Variants in ATRNL1 observed in about 807,000 individuals in gnomAD.
ATRNL1 encodes attractin like 1.
In ATRNL1, 95 loss-of-function variants were observed where a neutral mutation model predicts 182.7. The ratio of observed to expected loss-of-function variants is 0.52; its 90% CI spans 0.44 to 0.62. ATRNL1 has a LOEUF of 0.62. Ranked by LOEUF, ATRNL1 falls within the 20% of genes least tolerant of loss-of-function variation. ATRNL1 has a pLI of 0.00. For synonymous variants in ATRNL1, 576 were observed against 568.3 expected (o/e 1.01, Z -0.19); for missense variants, 1,471 against 1,679.5 (o/e 0.88, Z 2.17).
chr10:115,857,339 A>G (rs1194076741), intron 28 of ATRNL1, among the ~76,000 whole-genome samples: 1 of 152,164 alleles, frequency 6.6e-6, no homozygotes, highest in Non-Finnish European at 1.5e-5. Context: ...ATTTTATTCA[A>G]AGGTCAACTG....
chr10:115,564,729 A>T (rs1572400), intron 26 of ATRNL1, among the ~76,000 whole-genome samples: 52 of 151,666 alleles, frequency 3.4e-4, no homozygotes, highest in Non-Finnish European at 5.8e-4. Context: ...ATAGCCAATC[A>T]GTGTTATCAG....
chr10:115,694,918 C>T (rs1352528178), intron 26 of ATRNL1, among the ~76,000 whole-genome samples: 1 of 119,026 alleles, frequency 8.4e-6, no homozygotes, highest in African/African-American at 3.3e-5. Flanking sequence ...AAATCACACA[C>T]ACACACACAC....
intron 24 of ATRNL1, among the ~76,000 whole-genome samples, chr10:115,486,095 A>G (rs1592724447): frequency 6.6e-6 from 1 of 152,088 alleles, no homozygotes; most frequent in Non-Finnish European, 1.5e-5. Flanking sequence ...TTATGGCTGC[A>G]TAGTATTCGA....
At chr10:115,826,613 G>A (rs1555092070) in intron 27 of ATRNL1, among the ~76,000 whole-genome samples, 1 of 152,150 alleles carries the variant, frequency 6.6e-6, no homozygotes, top group African/African-American at 2.4e-5. Context: ...CCATGACTAA[G>A]AGGAATGAAG....
At chr10:115,674,115 T>C (rs1198185205) in intron 26 of ATRNL1, among the ~76,000 whole-genome samples, 1 of 152,062 alleles carries the variant, frequency 6.6e-6, no homozygotes, top group Non-Finnish European at 1.5e-5. Context: ...AGAAGAAATA[T>C]ATTGCCACAG....
At chr10:115,742,451 T>G (rs1329413444) in intron 27 of ATRNL1, among the ~76,000 whole-genome samples, 1 of 152,126 alleles carries the variant, frequency 6.6e-6, no homozygotes, top group Non-Finnish European at 1.5e-5. Context: ...TTCACGATAA[T>G]TGAGAAGTAA....
At chr10:115,180,046 A>G (rs1564801375) in intron 8 of ATRNL1, among the ~76,000 whole-genome samples, 3 of 152,164 alleles carry the variant, frequency 2.0e-5, no homozygotes, top group South Asian at 4.1e-4. Flanking sequence ...TTATTATGCT[A>G]TCAATGTAGA....
At chr10:115,095,376 A>T (rs74159838) in intron 1 of ATRNL1, among the ~76,000 whole-genome samples, 9,305 of 123,674 alleles carry the variant, frequency 0.075, 310 homozygotes, top group South Asian at 0.09. Flanking sequence ...TTTTTTTTTT[A>T]AAAAAAAACT....
intron 24 of ATRNL1, among the ~76,000 whole-genome samples, chr10:115,501,910 A>C (rs1350948652): frequency 6.6e-6 from 1 of 152,090 alleles, no homozygotes; most frequent in Non-Finnish European, 1.5e-5. Flanking sequence ...AAATCTTCAA[A>C]GTTATCAGAG....
chr10:115,478,459 C>A (rs943051986), intron 24 of ATRNL1, among the ~76,000 whole-genome samples: 11 of 151,730 alleles, frequency 7.2e-5, no homozygotes, highest in Non-Finnish European at 1.3e-4. Flanking sequence ...CTGTTCCCTG[C>A]CACATGGCCC....
chr10:115,803,913 A>G (rs1949857683), intron 27 of ATRNL1, among the ~76,000 whole-genome samples: 1 of 152,204 alleles, frequency 6.6e-6, no homozygotes, highest in Non-Finnish European at 1.5e-5. Flanking sequence ...ATGACGAGAT[A>G]TCTATGGACT....
At chr10:115,140,865 T>C (rs1039968356) in intron 5 of ATRNL1, among the ~76,000 whole-genome samples, 1 of 152,152 alleles carries the variant, frequency 6.6e-6, no homozygotes, top group Non-Finnish European at 1.5e-5. Flanking sequence ...AGTCACACTT[T>C]ATTGTAACTT....
chr10:115,686,048 G>A (rs1946207392), intron 26 of ATRNL1, among the ~76,000 whole-genome samples: 1 of 151,516 alleles, frequency 6.6e-6, no homozygotes, highest in African/African-American at 2.4e-5. Context: ...AGAAGTTTAG[G>A]AAAATTAGAA....
intron 20 of ATRNL1, 26 bp downstream of exon 20, chr10:115,394,778 T>G: frequency 6.6e-7 from 1 of 1,505,344 alleles, no homozygotes; most frequent in Non-Finnish European, 9.1e-7. Context: ...TTTTTAGAAC[T>G]TTCGTGGATT....
At chr10:115,853,006 A>G (rs1402075649) in intron 28 of ATRNL1, among the ~76,000 whole-genome samples, 1 of 152,124 alleles carries the variant, frequency 6.6e-6, no homozygotes, top group East Asian at 1.9e-4. Flanking sequence ...ACTGACTAGC[A>G]ATGTGACCAT....
At chr10:115,584,073 A>AAC (rs1855321046) in intron 26 of ATRNL1, among the ~76,000 whole-genome samples, 1 of 151,988 alleles carries the variant, frequency 6.6e-6, no homozygotes, top group African/African-American at 2.4e-5. Context: ...GCGTGTATTC[A>AAC]ACCAGCCTTG....
At chr10:115,533,909 C>T (rs1467579153) in intron 25 of ATRNL1, among the ~76,000 whole-genome samples, 6 of 148,586 alleles carry the variant, frequency 4.0e-5, no homozygotes, top group South Asian at 2.2e-4. Flanking sequence ...TGTAGTTGAG[C>T]GGTTTTGAGT....
chr10:115,339,643 G>A (rs782628764), intron 19 of ATRNL1, among the ~76,000 whole-genome samples: 6 of 152,012 alleles, frequency 3.9e-5, no homozygotes, highest in Non-Finnish European at 8.8e-5. Context: ...CATATTATCT[G>A]GAAACAAGGA....
At chr10:115,290,699 G>T (rs1400048320) in intron 15 of ATRNL1, among the ~76,000 whole-genome samples, 1 of 152,098 alleles carries the variant, frequency 6.6e-6, no homozygotes, top group Non-Finnish European at 1.5e-5. Flanking sequence ...ATAGGTGAAA[G>T]AAAGAGAAAA....
Sources: gnomAD v4.1 joint callset for allele counts (sites outside exome capture counted in the v4.1 genomes callset) on GRCh38, gnomAD v4.1.1 for gene constraint, MANE v1.5 for transcripts, NCBI Gene and HGNC (gene_info 2026-07-23, HGNC 2026-07-21) for gene names.